The following TBX21 variants were observed in gnomAD, a reference collection of about 807,000 sequenced individuals.
TBX21 encodes T-box transcription factor 21.
TBX21 carries 11 observed loss-of-function variants against 52.2 expected under a neutral mutation model. The ratio of observed to expected loss-of-function variants is 0.21; its 90% CI spans 0.13 to 0.35. The LOEUF is 0.35. Among genes scored for constraint, TBX21 ranks in the 10% least tolerant of loss-of-function variants. The pLI, the probability that TBX21 is intolerant of heterozygous loss-of-function variation, is 1.00. For synonymous variants in TBX21, 300 were observed against 316.1 expected (o/e 0.95, Z 0.54); for missense variants, 625 against 755.1 (o/e 0.83, Z 2.02).
At chr17:47,738,142 T>C (rs1360741386) in intron 1 of TBX21, among the ~76,000 whole-genome samples, 1 of 152,106 alleles carries the variant, frequency 6.6e-6, no homozygotes, top group Admixed American at 6.5e-5. Flanking sequence ...TTGGGGCAAG[T>C]GAAAACAACT....
chr17:47,743,879 C>CAAAAAAAAA (rs772309900), intron 3 of TBX21, among the ~76,000 whole-genome samples: 7 of 62,044 alleles, frequency 1.1e-4, no homozygotes, highest in African/African-American at 1.9e-4. Context: ...GACTCCGTCT[C>CAAAAAAAAA]AAAAAAAAAA....
Position 47,745,860 on chromosome 17 carries a change from CA to C in TBX21, c.*495del. ...GCCCGCCAGGGTCAGGGAAAGGACT[CA>C]CCTGACTTTGGACAGCTGGCCTGGG... On this transcript the variant is annotated 3_prime_UTR_variant, in exon 6 of 6. Coordinates refer to ENST00000177694, the MANE Select transcript of TBX21 (RefSeq NM_013351.2). 1 of 154,360 alleles carries C rather than the reference CA, an allele frequency of 6.5e-6. No homozygotes were observed. The highest frequency in any genetic ancestry group is 1.4e-5 in the Non-Finnish European group (1 of 69,488). 9.6% of individuals were successfully genotyped at this position (154,360 alleles called of 1,614,324 possible).
intron 1 of TBX21, among the ~76,000 whole-genome samples, chr17:47,736,552 G>A (rs1252004523): frequency 6.6e-6 from 1 of 152,078 alleles, no homozygotes; most frequent in African/African-American, 2.4e-5. Flanking sequence ...GTTGAAGGAG[G>A]CAGTGGCTCT....
chr17:47,743,288 C>T (rs563322912), intron 3 of TBX21, 96 bp downstream of exon 3: 2 of 1,498,480 alleles, frequency 1.3e-6, no homozygotes, highest in Non-Finnish European at 1.8e-6. Flanking sequence ...CAGTTTGGTT[C>T]ATTTTTTCTT....
intron 1 of TBX21, among the ~76,000 whole-genome samples, chr17:47,738,355 C>T (rs1480424990): frequency 1.3e-5 from 2 of 151,242 alleles, no homozygotes; most frequent in African/African-American, 4.9e-5. Flanking sequence ...GATGGGGTCT[C>T]ACTATGTTGC....
Position 47,743,107 on chromosome 17 carries a change from C to G in TBX21, c.683C>G (p.Thr228Arg). ...RLYVHPDSPN[T>R]GAHWMRQEVS... ...TACGTCCACCCGGACTCCCCCAACA[C>G]AGGAGCGCACTGGATGCGCCAGGAA... is the stretch of plus-strand genomic sequence containing the variant. The change falls in exon 3 of 6, where the codon ACA becomes AGA. Residue 228 changes from threonine to arginine, a missense_variant. By Grantham distance (71) the Thr-to-Arg change is moderately conservative. Coordinates refer to ENST00000177694, the MANE Select transcript of TBX21 (RefSeq NM_013351.2). 1 of 1,614,184 alleles carries G rather than the reference C, an allele frequency of 6.2e-7. No homozygotes were observed.
Position 47,745,244 on chromosome 17 carries a change from G to A in TBX21, c.1486G>A (p.Asp496Asn), listed in dbSNP as rs747509898. Residue 496 changes from aspartate (D) to asparagine (N), a missense_variant, in exon 6 of 6, where the codon GAC becomes AAC. Physicochemically the swap from Asp to Asn is conservative, Grantham distance 23. Coordinates refer to ENST00000177694, the MANE Select transcript of TBX21 (RefSeq NM_013351.2). ...ESSDSGLGEG[D>N]SKRRRVSPYP... Reference sequence around the variant, plus strand: ...CAGTGATTCAGGACTGGGCGAAGGAGACTCTAAGAGGAGGCGCGTGTCCCC... The same window carrying A: ...CAGTGATTCAGGACTGGGCGAAGGAAACTCTAAGAGGAGGCGCGTGTCCCC... 2.5e-6 allele frequency: 4 copies of A among 1,614,254 alleles called. No homozygotes were observed. Among genetic ancestry groups the A allele is most frequent in the Non-Finnish European group, 3.4e-6 (4 of 1,180,040 alleles).
chr17:47,742,644 G>A lies in TBX21; in HGVS notation c.526G>A (p.Gly176Arg). The change falls in exon 2 of 6, where the codon GGG becomes AGG. Residue 176 changes from glycine (G) to arginine (R), a missense_variant. Around this residue, in one of 4 missense-constraint regions of TBX21, gnomAD observed 142 missense variants for 258.5 expected, o/e 0.55. Transcript: ENST00000177694. The surrounding 1 kb of genome is among the most constrained non-coding windows in gnomAD (Gnocchi z 4.4). ...CCCATTCCTGTCATTTACTGTGGCC[G>A]GGCTGGAGCCCACCAGCCACTACAG... ...MFPFLSFTVAGLEPTSHYRMF... is the reference protein window; with the variant it reads ...MFPFLSFTVARLEPTSHYRMF... 1 of 1,601,978 alleles carries A rather than the reference G, an allele frequency of 6.2e-7. No homozygotes were observed. The highest frequency in any genetic ancestry group is 8.5e-7 in the Non-Finnish European group (1 of 1,175,270).
chr17:47,734,983 A>AC (rs1187944934), intron 1 of TBX21, among the ~76,000 whole-genome samples: 1 of 151,658 alleles, frequency 6.6e-6, no homozygotes, highest in Non-Finnish European at 1.5e-5. Flanking sequence ...TTAGTAAGCA[A>AC]CCCCCGGAGT....
At position 47,733,900 on chromosome 17, in the gene TBX21, A is replaced by G; in HGVS notation, c.446A>G (p.Lys149Arg). 6.2e-7 allele frequency: 1 copy of G among 1,613,636 alleles called. No individual in the cohort carries two copies. The highest frequency in any genetic ancestry group is 8.5e-7 in the Non-Finnish European group (1 of 1,179,866). ...CTCAACAACCACCTGTTGTGGTCCAAGTTTAATCAGCACCAGACAGAGATG... is the reference window on the plus strand; with the variant it reads ...CTCAACAACCACCTGTTGTGGTCCAGGTTTAATCAGCACCAGACAGAGATG... ...VALNNHLLWS[K>R]FNQHQTEMII... Residue 149 changes from lysine to arginine, a missense_variant, in exon 1 of 6, where the codon AAG (lysine) becomes AGG (arginine). Physicochemically the swap from Lys to Arg is conservative, Grantham distance 26. This residue lies in a region of TBX21 where 142 missense variants were observed against 258.5 expected (regional missense o/e 0.55). Transcript: ENST00000177694. This position sits in a 1 kb window ranked among gnomAD's most constrained non-coding sequence, Gnocchi z 6.6.
chr17:47,745,754 C>G lies in TBX21; in HGVS notation c.*388C>G, dbSNP rs900842553. 5 of 180,312 alleles carry G rather than the reference C, an allele frequency of 2.8e-5. No individual in the cohort carries two copies. Among genetic ancestry groups the G allele is most frequent in the Admixed American group, 2.7e-4 (5 of 18,530 alleles). The allele number at this position is 180,312 out of a possible 1,614,324, so 11.2% of individuals were successfully genotyped here. ...GGAGACTCCACTTTCTTCCTTTGTA[C>G]AGTAACTTTCAACCTTTTCGTTGGC... On this transcript the variant is annotated 3_prime_UTR_variant, in exon 6 of 6. Coordinates refer to ENST00000177694, the MANE Select transcript of TBX21 (RefSeq NM_013351.2).
Position 47,733,835 on chromosome 17 carries a change from A to G in TBX21, c.381A>G (p.Leu127=). ...LYPGPREDYA[L]PAGLEVSGKL... Reference sequence around the variant, plus strand: ...CGGGGCCGCGTGAGGACTACGCGCTACCCGCGGGACTGGAGGTGTCGGGGA... The same window carrying G: ...CGGGGCCGCGTGAGGACTACGCGCTGCCCGCGGGACTGGAGGTGTCGGGGA... Residue 127 remains leucine, a synonymous_variant, in exon 1 of 6, where the codon CTA becomes CTG. Transcript: ENST00000177694. The surrounding 1 kb of genome is among the most constrained non-coding windows in gnomAD (Gnocchi z 6.6). 1.2e-6 allele frequency: 2 copies of G among 1,608,916 alleles called. No homozygotes were observed. Among genetic ancestry groups the G allele is most frequent in the South Asian group, 2.2e-5 (2 of 90,536 alleles).
Position 47,744,845 on chromosome 17 carries a change from T to C in TBX21, c.1087T>C (p.Tyr363His). ...CTACTCTCCTCTCCTACCCAACCAG[T>C]ATCCTGTTCCCAGCCGCTTCTACCC... Reference protein sequence around the residue: ...DHYSPLLPNQYPVPSRFYPDL... With the variant: ...DHYSPLLPNQHPVPSRFYPDL... Residue 363 changes from tyrosine to histidine, a missense_variant, in exon 6 of 6, where the codon TAT (tyrosine) becomes CAT (histidine). By Grantham distance (83) the Tyr-to-His change is moderately conservative. This residue lies in a region of TBX21 where 261 missense variants were observed against 275.1 expected (regional missense o/e 0.95). Transcript: ENST00000177694. 2 of 1,614,176 alleles carry C rather than the reference T, an allele frequency of 1.2e-6. No individual in the cohort carries two copies. The highest frequency in any genetic ancestry group is 8.5e-7 in the Non-Finnish European group (1 of 1,180,014).
Position 47,733,877 on chromosome 17 carries a change from C to T in TBX21, c.423C>T (p.Leu141=). Residue 141 remains leucine, a synonymous_variant, in exon 1 of 6, where the codon CTC becomes CTT. Transcript: ENST00000177694. The surrounding 1 kb of genome is among the most constrained non-coding windows in gnomAD (Gnocchi z 6.6). ...TGTCGGGGAAACTGAGGGTCGCGCT[C>T]AACAACCACCTGTTGTGGTCCAAGT... is the stretch of plus-strand genomic sequence containing the variant. The part of the protein sequence containing the change: ...LEVSGKLRVA[L]NNHLLWSKFN... 1 of 1,613,430 alleles carries T rather than the reference C, an allele frequency of 6.2e-7. No homozygotes were observed. Among genetic ancestry groups the T allele is most frequent in the Non-Finnish European group, 8.5e-7 (1 of 1,179,856 alleles).
In TBX21 at chr17:47,742,972, C is replaced by G. The variant is rs537511776; in HGVS notation, c.647-99C>G. 252 of 1,557,096 alleles carry G rather than the reference C, an allele frequency of 1.6e-4. No individual in the cohort carries two copies. Among genetic ancestry groups the G allele is most frequent in the Non-Finnish European group, 2.1e-4 (242 of 1,154,358 alleles). ...CTGCCCTTCCCTGCCTGGTCCTCCCCCTGTGTCCTTCCTTACGTCCCTCTC... is the reference window on the plus strand; with the variant it reads ...CTGCCCTTCCCTGCCTGGTCCTCCCGCTGTGTCCTTCCTTACGTCCCTCTC... On this transcript the variant is annotated intron_variant, in intron 2 of 5. Transcript: ENST00000177694. The surrounding 1 kb of genome is among the most constrained non-coding windows in gnomAD (Gnocchi z 4.4).
In TBX21 at chr17:47,745,595, A is replaced by G; in HGVS notation, c.*229A>G. 2.0e-6 allele frequency: 1 copy of G among 508,616 alleles called. No individual in the cohort carries two copies. Among genetic ancestry groups the G allele is most frequent in the Non-Finnish European group, 3.4e-6 (1 of 298,468 alleles). The allele number at this position is 508,616 out of a possible 1,614,324, so 31.5% of individuals were successfully genotyped here. On this transcript the variant is annotated 3_prime_UTR_variant, in exon 6 of 6. Coordinates refer to ENST00000177694, the MANE Select transcript of TBX21 (RefSeq NM_013351.2). ...TCCCCTTGCCCCATCCTCTGCCCTA[A>G]CTACAGTCGTTTACCTGGTGCTGCG...
intron 1 of TBX21, among the ~76,000 whole-genome samples, chr17:47,738,447 G>A (rs534142512): frequency 6.6e-6 from 1 of 152,242 alleles, no homozygotes; most frequent in East Asian, 1.9e-4. Flanking sequence ...TTGGTAAGAC[G>A]AGGAGTTCCC....
In TBX21 at chr17:47,745,100, T is replaced by C. The variant is rs767879056; in HGVS notation, c.1342T>C (p.Phe448Leu). ...TCCCAAGATGGGCCCGGCCAGCTGGTTCCGCCCTATGCGGACTCTGCCCAT... is the reference window on the plus strand; with the variant it reads ...TCCCAAGATGGGCCCGGCCAGCTGGCTCCGCCCTATGCGGACTCTGCCCAT... ...YPPKMGPASW[F>L]RPMRTLPMEP... is the part of the protein sequence containing the mutation. The change falls in exon 6 of 6, where the codon TTC becomes CTC. Residue 448 changes from phenylalanine to leucine, a missense_variant. Coordinates refer to ENST00000177694, the MANE Select transcript of TBX21 (RefSeq NM_013351.2). 3.1e-6 allele frequency: 5 copies of C among 1,613,964 alleles called. No homozygotes were observed. The highest frequency in any genetic ancestry group is 4.2e-6 in the Non-Finnish European group (5 of 1,180,020).
chr17:47,739,052 A>G (rs1280075797), intron 1 of TBX21, among the ~76,000 whole-genome samples: 1 of 151,784 alleles, frequency 6.6e-6, no homozygotes, highest in East Asian at 2.0e-4. Flanking sequence ...AACCATCCCA[A>G]GGCTACTTAG....
Sources: allele counts gnomAD v4.1 joint callset (sites outside exome capture counted in the v4.1 genomes callset), GRCh38; gene constraint gnomAD v4.1.1; regional missense constraint gnomAD v4.1.1; non-coding constraint Gnocchi (gnomAD v3.1); transcripts MANE v1.5; gene names NCBI Gene and HGNC (gene_info 2026-07-23, HGNC 2026-07-21).